Variants in MYT1L observed in about 807,000 individuals in gnomAD.
The protein encoded by MYT1L is myelin transcription factor 1-like protein.
MYT1L carries 12 observed loss-of-function variants against 126.7 expected under a neutral mutation model. The ratio of observed to expected loss-of-function variants is 0.09; its 90% CI spans 0.06 to 0.15. The LOEUF is 0.15. MYT1L is among the 10% of genes least tolerant of loss of function. The pLI is 1.00. For synonymous variants in MYT1L, 541 were observed against 604.2 expected (o/e 0.90, Z 1.53); for missense variants, 979 against 1,585.2 (o/e 0.62, Z 6.49).
At chr2:1,976,318 T>C (rs186951853) in intron 8 of MYT1L, among the ~76,000 whole-genome samples, 3 of 152,200 alleles carry the variant, frequency 2.0e-5, no homozygotes, top group African/African-American at 4.8e-5. Flanking sequence ...ATAGCTTTCA[T>C]AGTCAGCAAA....
At chr2:2,014,514 G>A (rs1205310321) in intron 4 of MYT1L, among the ~76,000 whole-genome samples, 2 of 152,198 alleles carry the variant, frequency 1.3e-5, no homozygotes, top group African/African-American at 4.8e-5. Flanking sequence ...CATGGAAGGT[G>A]AGGAGGTGTT....
intron 2 of MYT1L, among the ~76,000 whole-genome samples, chr2:2,239,887 C>T (rs1326347588): frequency 2.0e-5 from 3 of 152,160 alleles, no homozygotes; most frequent in Admixed American, 1.3e-4. Context: ...TCTCTGCCCC[C>T]GGGTCCCCTT....
At chr2:2,025,570 A>G (rs77141021) in intron 4 of MYT1L, among the ~76,000 whole-genome samples, 2,537 of 152,332 alleles carry the variant, frequency 0.017, 75 homozygotes, top group African/African-American at 0.058. Flanking sequence ...CCACTGGAAT[A>G]GTGTAGGGGA....
intron 2 of MYT1L, among the ~76,000 whole-genome samples, chr2:2,202,375 C>T (rs1559323264): frequency 1.3e-5 from 2 of 152,094 alleles, no homozygotes; most frequent in South Asian, 4.2e-4. Flanking sequence ...AGACCACTAG[C>T]AAGACTAATA....
intron 3 of MYT1L, among the ~76,000 whole-genome samples, chr2:2,161,868 C>T (rs547491060): frequency 3.3e-5 from 5 of 152,198 alleles, no homozygotes; most frequent in East Asian, 3.9e-4. Flanking sequence ...CCTTAGGACT[C>T]GAATGGAGCT....
At chr2:2,027,747 T>C (rs2065799316) in intron 4 of MYT1L, among the ~76,000 whole-genome samples, 2 of 152,188 alleles carry the variant, frequency 1.3e-5, no homozygotes, top group African/African-American at 4.8e-5. Context: ...CTGGGCCACC[T>C]GGGTGACATC....
intron 3 of MYT1L, among the ~76,000 whole-genome samples, chr2:2,130,602 T>TA (rs968340118): frequency 5.3e-5 from 8 of 152,136 alleles, no homozygotes; most frequent in African/African-American, 1.4e-4. Flanking sequence ...GCTGCTATTT[T>TA]AAAAAAAGTG....
At chr2:2,057,537 A>G (rs1374406443) in intron 3 of MYT1L, among the ~76,000 whole-genome samples, 1 of 150,946 alleles carries the variant, frequency 6.6e-6, no homozygotes, top group Non-Finnish European at 1.5e-5. Flanking sequence ...AGCCACCCCC[A>G]CCATCTTTTT....
At chr2:1,797,058 G>C (rs1050363598) in intron 23 of MYT1L, among the ~76,000 whole-genome samples, 3 of 151,124 alleles carry the variant, frequency 2.0e-5, no homozygotes, top group African/African-American at 7.2e-5. Flanking sequence ...ATGCGTCTGG[G>C]GAATCGTGGA....
chr2:2,210,776 A>G (rs1232528483), intron 2 of MYT1L, among the ~76,000 whole-genome samples: 1 of 152,182 alleles, frequency 6.6e-6, no homozygotes, highest in East Asian at 1.9e-4. Context: ...TGCCATTGGT[A>G]TCTTGATAGG....
At chr2:1,907,143 AC>A (rs1320654976) in intron 13 of MYT1L, among the ~76,000 whole-genome samples, 13 of 150,688 alleles carry the variant, frequency 8.6e-5, no homozygotes, top group Non-Finnish European at 1.9e-4. Context: ...AAAAAAAAAA[AC>A]AAAAGACCAT....
In MYT1L at chr2:2,250,299, G is replaced by T. The variant is rs370887848; in HGVS notation, c.-421+34105C>A. On this transcript the variant is annotated intron_variant, in intron 2 of 24. Transcript: ENST00000647738. ...CATCAACAGATGAATGGATAAAAAAGTGTGGTGCATATACACAATGGAGTA... is the reference window on the plus strand; with the variant it reads ...CATCAACAGATGAATGGATAAAAAATTGTGGTGCATATACACAATGGAGTA... Among the ~76,000 whole-genome samples, 44 of 152,210 alleles carry T rather than the reference G, an allele frequency of 2.9e-4. No individual in the cohort carries two copies. The East Asian group carries it at 4.8e-3, about 17-fold the overall frequency.
intron 2 of MYT1L, among the ~76,000 whole-genome samples, chr2:2,255,512 G>T (rs550094743): frequency 6.6e-6 from 1 of 152,020 alleles, no homozygotes; most frequent in Non-Finnish European, 1.5e-5. Context: ...ATCATTCTAC[G>T]ATTTTCACTG....
At chr2:2,305,516 T>C (rs1002449193) in intron 1 of MYT1L, among the ~76,000 whole-genome samples, 2 of 152,226 alleles carry the variant, frequency 1.3e-5, no homozygotes, top group Non-Finnish European at 2.9e-5. Context: ...GGCACTTCAC[T>C]GAGACTGCCC....
At chr2:2,186,064 C>T (rs111437718) in intron 2 of MYT1L, among the ~76,000 whole-genome samples, 5 of 116,032 alleles carry the variant, frequency 4.3e-5, no homozygotes, top group Admixed American at 8.6e-5. Flanking sequence ...CTCCCAGACG[C>T]CCGCGTTCCT....
Position 2,195,262 on chromosome 2 carries a change from G to C in MYT1L, c.-420-22274C>G, listed in dbSNP as rs140465534. ...TGCATCATGCGGGGCATAAGCTTAA[G>C]ATTCATGGCCTCCTGAGAGGGAAGC... On this transcript the variant is annotated intron_variant, in intron 2 of 24. Coordinates refer to ENST00000647738, the MANE Select transcript of MYT1L (RefSeq NM_001303052.2). Among the ~76,000 whole-genome samples, 356 of 152,346 alleles carry C rather than the reference G, an allele frequency of 2.3e-3. 1 individual carries two copies. In the East Asian group the frequency reaches 0.024, roughly 10 times the overall value.
chr2:2,216,914 C>A (rs1256664343), intron 2 of MYT1L, among the ~76,000 whole-genome samples: 3 of 151,882 alleles, frequency 2.0e-5, no homozygotes, highest in African/African-American at 4.8e-5. Context: ...TGAATAAATT[C>A]AATAACTTAG....
At chr2:2,296,687 G>A (rs1325510393) in intron 1 of MYT1L, among the ~76,000 whole-genome samples, 1 of 152,156 alleles carries the variant, frequency 6.6e-6, no homozygotes, top group Admixed American at 6.5e-5. Context: ...ACAGAAAGGA[G>A]AGACACTTCA....
intron 3 of MYT1L, among the ~76,000 whole-genome samples, chr2:2,079,990 T>C (rs2150308598): frequency 6.6e-6 from 1 of 152,060 alleles, no homozygotes; most frequent in East Asian, 1.9e-4. Context: ...ATCAATGAAA[T>C]AGAATGGGGA....
Sources: allele counts gnomAD v4.1 joint callset (sites outside exome capture counted in the v4.1 genomes callset), GRCh38; gene constraint gnomAD v4.1.1; transcripts MANE v1.5; gene names NCBI Gene and HGNC (gene_info 2026-07-23, HGNC 2026-07-21).